The following PLD1 variants were observed in gnomAD, a reference collection of about 807,000 sequenced individuals.
PLD1 encodes choline phosphatase 1.
A neutral mutation model predicts 137.1 loss-of-function variants in PLD1; 112 were observed. The observed-to-expected ratio is 0.82, with a 90% CI of 0.70 to 0.96. The LOEUF (loss-of-function observed/expected upper bound fraction) is 0.96, where lower values mean the gene tolerates loss of function less well. PLD1 is among the 40% of genes least tolerant of loss of function. PLD1 has a pLI of 0.00. For missense variants in PLD1, 1,321 were observed against 1,342.0 expected (o/e 0.98, Z 0.24); for synonymous variants, 431 against 454.7 (o/e 0.95, Z 0.66).
At chr3:171,680,971 T>C (rs1336152557) in intron 16 of PLD1, among the ~76,000 whole-genome samples, 3 of 152,204 alleles carry the variant, frequency 2.0e-5, no homozygotes, top group Non-Finnish European at 4.4e-5. Flanking sequence ...TCCCTGCCCC[T>C]AGGGATTTTC....
intron 1 of PLD1, among the ~76,000 whole-genome samples, chr3:171,798,992 C>T (rs6768443): frequency 0.028 from 4,247 of 152,182 alleles, 121 homozygotes; most frequent in African/African-American, 0.072. Context: ...CTGGTCCCTT[C>T]GACCAGATTA....
rs528520378 is a variant in PLD1 at position 171,780,857 on chromosome 3, G to C, written c.-32+29542C>G. On this transcript the variant is annotated intron_variant, in intron 1 of 26. Coordinates refer to ENST00000351298, the MANE Select transcript of PLD1 (RefSeq NM_002662.5). ...GATATACCGTGTTCACGGATTAAAA[G>C]ACCAAATATTGTTAAATTTTCTGTT... Among the ~76,000 whole-genome samples the C allele has an allele frequency of 5.9e-5, 9 of 152,266 alleles. No homozygotes were observed. The South Asian group carries it at 1.9e-3, about 32-fold the overall frequency.
intron 6 of PLD1, among the ~76,000 whole-genome samples, chr3:171,728,575 C>T (rs565583660): frequency 5.8e-4 from 88 of 152,246 alleles, no homozygotes; most frequent in Non-Finnish European, 1.0e-3. Context: ...AGACTATAGT[C>T]TACTACAGAG....
At chr3:171,680,680 T>TA (rs902661100) in intron 16 of PLD1, among the ~76,000 whole-genome samples, 4 of 152,212 alleles carry the variant, frequency 2.6e-5, no homozygotes, top group Admixed American at 6.5e-5. Context: ...TGTCTAACAC[T>TA]AAAATCATCA....
At chr3:171,634,900 C>A (rs994174382) in intron 23 of PLD1, among the ~76,000 whole-genome samples, 3 of 151,936 alleles carry the variant, frequency 2.0e-5, no homozygotes, top group Non-Finnish European at 4.4e-5. Flanking sequence ...ATCACTCCCC[C>A]AAAAAAACCC....
At chr3:171,661,552 C>T (rs1711516300) in intron 20 of PLD1, among the ~76,000 whole-genome samples, 1 of 152,104 alleles carries the variant, frequency 6.6e-6, no homozygotes, top group African/African-American at 2.4e-5. Flanking sequence ...AATAGTAGTT[C>T]ACACAGGATT....
intron 18 of PLD1, 112 bp downstream of exon 18, chr3:171,676,601 GAC>G: frequency 1.3e-6 from 1 of 798,010 alleles, no homozygotes; most frequent in Admixed American, 2.1e-5. Context: ...GCAGAGCAGT[GAC>G]ACAGTTGTGG....
intron 9 of PLD1, among the ~76,000 whole-genome samples, chr3:171,710,732 C>A (rs539146908): frequency 6.4e-4 from 98 of 152,286 alleles, no homozygotes; most frequent in Non-Finnish European, 1.1e-3. Context: ...AATATCATCC[C>A]AATTGTGCTT....
intron 12 of PLD1, among the ~76,000 whole-genome samples, chr3:171,696,780 G>A (rs541518324): frequency 4.9e-4 from 74 of 152,114 alleles, no homozygotes; most frequent in African/African-American, 1.7e-3. Flanking sequence ...GAGCAACTCC[G>A]CTAAATGTAC....
At chr3:171,665,960 A>G (rs1009709663) in intron 19 of PLD1, among the ~76,000 whole-genome samples, 4 of 152,232 alleles carry the variant, frequency 2.6e-5, no homozygotes, top group African/African-American at 9.6e-5. Flanking sequence ...CATGAAGAAA[A>G]TCACTTGGGA....
At chr3:171,744,566 C>T (rs555721146) in intron 1 of PLD1, among the ~76,000 whole-genome samples, 2 of 152,310 alleles carry the variant, frequency 1.3e-5, no homozygotes, top group Admixed American at 6.5e-5. Flanking sequence ...CTAATGCTGA[C>T]GCTGCTTTTA....
At chr3:171,659,325 C>A in intron 20 of PLD1, 24 bp from the exon 21 acceptor site, 2 of 1,435,918 alleles carry the variant, frequency 1.4e-6, no homozygotes, top group South Asian at 2.3e-5. Flanking sequence ...ACAAGACAAT[C>A]ATGTTAGTCT....
At chr3:171,721,012 G>A (rs535087083) in intron 8 of PLD1, among the ~76,000 whole-genome samples, 10 of 152,152 alleles carry the variant, frequency 6.6e-5, no homozygotes, top group South Asian at 2.1e-4. Context: ...AGCTCTCATC[G>A]CTACCTGAAT....
intron 16 of PLD1, among the ~76,000 whole-genome samples, chr3:171,679,159 A>C (rs554765142): frequency 1.4e-4 from 22 of 152,246 alleles, no homozygotes; most frequent in Non-Finnish European, 2.8e-4. Context: ...TCTCACTGCC[A>C]GTAGCTCCAA....
At position 171,612,262 on chromosome 3, in the gene PLD1, C is replaced by T; in HGVS notation, c.2882+17G>A. ...GCAGTGGAAATGCATCAGAGAGACA[C>T]ACTTTGGCGGACTGACCTAAAGCAC... On this transcript the variant is annotated intron_variant, in intron 25 of 26. Coordinates refer to ENST00000351298, the MANE Select transcript of PLD1 (RefSeq NM_002662.5). The surrounding 1 kb of genome is among the most constrained non-coding windows in gnomAD (Gnocchi z 4.1). The T allele has an allele frequency of 1.9e-6, 3 of 1,611,960 alleles. No homozygotes were observed. The highest frequency in any genetic ancestry group is 2.5e-6 in the Non-Finnish European group (3 of 1,178,418).
At chr3:171,796,075 T>C (rs537698249) in intron 1 of PLD1, among the ~76,000 whole-genome samples, 2 of 152,326 alleles carry the variant, frequency 1.3e-5, no homozygotes, top group African/African-American at 4.8e-5. Flanking sequence ...GAACAGATAG[T>C]AATTTACTCT....
At chr3:171,663,452 A>G (rs1334349306) in intron 19 of PLD1, among the ~76,000 whole-genome samples, 1 of 152,210 alleles carries the variant, frequency 6.6e-6, no homozygotes, top group Non-Finnish European at 1.5e-5. Flanking sequence ...AGGGTCATAG[A>G]GAGGATTAAG....
intron 24 of PLD1, among the ~76,000 whole-genome samples, chr3:171,618,713 A>AGTGTGTGTGT (rs529980104): frequency 4.5e-5 from 6 of 134,656 alleles, no homozygotes; most frequent in Admixed American, 2.2e-4. Context: ...AAATATTAAA[A>AGTGTGTGTGT]GTGTGTATGT....
intron 23 of PLD1, among the ~76,000 whole-genome samples, chr3:171,639,594 TATTC>T (rs1735505318): frequency 1.1e-5 from 1 of 93,972 alleles, no homozygotes. Context: ...ATATAATATA[TATTC>T]ATATAATATA....
Sources: gnomAD v4.1 joint callset for allele counts (sites outside exome capture counted in the v4.1 genomes callset) on GRCh38, gnomAD v4.1.1 for gene constraint, Gnocchi (gnomAD v3.1) non-coding constraint, MANE v1.5 for transcripts, NCBI Gene and HGNC (gene_info 2026-07-23, HGNC 2026-07-21) for gene names.